The following PRKN variants were observed in gnomAD, a reference collection of about 807,000 sequenced individuals.
The protein encoded by PRKN is E3 ubiquitin-protein ligase parkin.
In PRKN, 56 loss-of-function variants were observed where a neutral mutation model predicts 59.5. The ratio of observed to expected loss-of-function variants is 0.94; its 90% CI spans 0.76 to 1.18. The LOEUF (loss-of-function observed/expected upper bound fraction) is 1.18, where lower values mean the gene tolerates loss of function less well. Among genes scored for constraint, PRKN ranks in the 50% most tolerant of loss-of-function variants. The pLI is 0.00. For missense variants in PRKN, 657 were observed against 596.4 expected (o/e 1.10, Z -1.06); for synonymous variants, 250 against 222.1 (o/e 1.13, Z -1.12).
intron 3 of PRKN, among the ~76,000 whole-genome samples, chr6:162,230,419 C>A (rs1778372364): frequency 6.6e-6 from 1 of 152,192 alleles, no homozygotes; most frequent in Non-Finnish European, 1.5e-5. Context: ...AAGAGGCAAG[C>A]TGGGCTTGAA....
rs2115297943 is a variant in PRKN, at chr6:161,499,645, C to CCTA, written c.1083+49206_1083+49208dup. 6.6e-6 allele frequency among the ~76,000 whole-genome samples: 1 copy of CCTA among 152,290 alleles called. No individual in the cohort carries two copies. Among genetic ancestry groups the CCTA allele is most frequent in the African/African-American group, 2.4e-5 (1 of 41,554 alleles). ...TGCAGATTGCAGGTTTCATTTCAGACCTACTGGATTCGAGGTGGTGGTGGT... is the reference window on the plus strand; with the variant it reads ...TGCAGATTGCAGGTTTCATTTCAGACCTACTACTGGATTCGAGGTGGTGGTGGT... On this transcript the variant is annotated intron_variant, in intron 9 of 11. Transcript: ENST00000366898. This position sits in a 1 kb window ranked among gnomAD's most constrained non-coding sequence, Gnocchi z 4.2.
At chr6:162,228,842 C>T (rs1229267238) in intron 3 of PRKN, among the ~76,000 whole-genome samples, 3 of 152,068 alleles carry the variant, frequency 2.0e-5, no homozygotes, top group African/African-American at 7.2e-5. Context: ...AAAATCCTTC[C>T]AGATATTTGG....
At chr6:162,043,053 G>A (rs947992244) in intron 5 of PRKN, among the ~76,000 whole-genome samples, 1 of 152,144 alleles carries the variant, frequency 6.6e-6, no homozygotes, top group Non-Finnish European at 1.5e-5. Context: ...GAGGTGAAAA[G>A]CACTTCTTAC....
At chr6:161,835,560 C>T (rs555160534) in intron 6 of PRKN, among the ~76,000 whole-genome samples, 11 of 152,320 alleles carry the variant, frequency 7.2e-5, no homozygotes, top group Admixed American at 1.3e-4. Flanking sequence ...ACACTGGCAG[C>T]GGCAAAATGC....
intron 7 of PRKN, among the ~76,000 whole-genome samples, chr6:161,691,000 TCCATCCAA>T: frequency 6.7e-6 from 1 of 149,908 alleles, no homozygotes. Flanking sequence ...CATCCATCCA[TCCATCCAA>T]CCATCCGTCC....
At chr6:162,031,670 C>G (rs1258024977) in intron 5 of PRKN, among the ~76,000 whole-genome samples, 1 of 151,614 alleles carries the variant, frequency 6.6e-6, no homozygotes, top group Non-Finnish European at 1.5e-5. Context: ...AGCTGGGATT[C>G]CAGGCACGTG....
chr6:161,809,294 T>C (rs1158391287), intron 6 of PRKN, among the ~76,000 whole-genome samples: 1 of 39,866 alleles, frequency 2.5e-5, no homozygotes, highest in Admixed American at 4.1e-4. Context: ...TCCCGAGTCC[T>C]GAGGAATTAC....
chr6:162,704,260 AGT>A (rs1778262275), intron 1 of PRKN, among the ~76,000 whole-genome samples: 1 of 152,024 alleles, frequency 6.6e-6, no homozygotes, highest in African/African-American at 2.4e-5. Context: ...GCAGCCTGGG[AGT>A]GTGGCACTCT....
At chr6:162,184,500 G>C (rs1783936891) in intron 4 of PRKN, among the ~76,000 whole-genome samples, 1 of 152,126 alleles carries the variant, frequency 6.6e-6, no homozygotes, top group Non-Finnish European at 1.5e-5. Context: ...AGATCTGATG[G>C]TTTTATAAGG....
chr6:162,380,483 GTATATATACACACATATATATGTGTGTA>G (rs1376644632), intron 2 of PRKN, among the ~76,000 whole-genome samples: 5,241 of 29,812 alleles, frequency 0.18, 283 homozygotes, highest in African/African-American at 0.4. Context: ...GTATATATAT[GTATATATACACACATATATATGTGTGTA>G]TATATATATA....
chr6:161,914,864 T>G (rs1048790866), intron 6 of PRKN, among the ~76,000 whole-genome samples: 4 of 152,082 alleles, frequency 2.6e-5, no homozygotes, highest in African/African-American at 7.2e-5. Flanking sequence ...GCAATAAATG[T>G]GTCTATGGGG....
intron 1 of PRKN, among the ~76,000 whole-genome samples, chr6:162,699,669 G>GA (rs778826823): frequency 5.9e-5 from 9 of 152,146 alleles, no homozygotes; most frequent in Non-Finnish European, 1.2e-4. Flanking sequence ...AAAGAATGGT[G>GA]AAGCCCTTCT....
chr6:162,632,896 A>G (rs896394165), intron 1 of PRKN, among the ~76,000 whole-genome samples: 2 of 152,148 alleles, frequency 1.3e-5, no homozygotes, highest in African/African-American at 4.8e-5. Context: ...ATATTTTATA[A>G]TCATTTTCCT....
In PRKN at chr6:161,544,115, T is replaced by C. The variant is rs1240154359; in HGVS notation, c.1083+4739A>G. On this transcript the variant is annotated intron_variant, in intron 9 of 11. Transcript: ENST00000366898. The surrounding 1 kb of genome is among the most constrained non-coding windows in gnomAD (Gnocchi z 5.5). ...GCGTTCTATCTATGTAAAAATATTC[T>C]GTGCTGAGTCAAAACTGAAATCTCA... 6.6e-6 allele frequency among the ~76,000 whole-genome samples: 1 copy of C among 152,234 alleles called. No individual in the cohort carries two copies. The highest frequency in any genetic ancestry group is 1.5e-5 in the Non-Finnish European group (1 of 68,046).
chr6:161,834,251 C>T lies in PRKN; in HGVS notation c.735-48343G>A, dbSNP rs115573861. Reference sequence around the variant, plus strand: ...GTAATCCAAACACTTCTCCCTTAGTCGGTCTACACAGCCAAATAATCCCCC... The same window carrying T: ...GTAATCCAAACACTTCTCCCTTAGTTGGTCTACACAGCCAAATAATCCCCC... On this transcript the variant is annotated intron_variant, in intron 6 of 11. Coordinates refer to ENST00000366898, the MANE Select transcript of PRKN (RefSeq NM_004562.3). Among the ~76,000 whole-genome samples the T allele has an allele frequency of 1.3e-3, 197 of 152,038 alleles. 1 individual carries two copies. The highest frequency in any genetic ancestry group is 0.01 in the Middle Eastern group (3 of 294).
At chr6:162,404,532 T>C (rs1787966128) in intron 2 of PRKN, among the ~76,000 whole-genome samples, 1 of 152,138 alleles carries the variant, frequency 6.6e-6, no homozygotes, top group Admixed American at 6.5e-5. Context: ...TATTTTGAAA[T>C]TTGGCAAAGG....
intron 3 of PRKN, among the ~76,000 whole-genome samples, chr6:162,209,475 G>C (rs1583201854): frequency 6.6e-6 from 1 of 152,164 alleles, no homozygotes; most frequent in East Asian, 1.9e-4. Context: ...AGACGATGTG[G>C]AGAAACAGGA....
intron 7 of PRKN, among the ~76,000 whole-genome samples, chr6:161,614,988 AGAGAGAGAGAG>A (rs1562560674): frequency 1.6e-4 from 24 of 147,362 alleles, no homozygotes; most frequent in African/African-American, 5.6e-4. Context: ...AGAGAGAGAG[AGAGAGAGAGAG>A]AACACTGAAA....
intron 1 of PRKN, among the ~76,000 whole-genome samples, chr6:162,474,321 A>C (rs150768415): frequency 2.0e-5 from 3 of 152,204 alleles, no homozygotes; most frequent in Non-Finnish European, 4.4e-5. Flanking sequence ...AGAGTAATCT[A>C]CATGTATTTA....
Sources: allele counts gnomAD v4.1 joint callset (sites outside exome capture counted in the v4.1 genomes callset), GRCh38; gene constraint gnomAD v4.1.1; non-coding constraint Gnocchi (gnomAD v3.1); transcripts MANE v1.5; gene names NCBI Gene and HGNC (gene_info 2026-07-23, HGNC 2026-07-21).